TDRD12: variants seen among roughly 807,000 people sequenced by gnomAD.
TDRD12 encodes tudor domain containing 12.
TDRD12 carries 158 observed loss-of-function variants against 133.5 expected under a neutral mutation model. That is an observed-to-expected ratio of 1.18 (90% confidence interval 1.04 to 1.35). TDRD12 has a LOEUF of 1.35. TDRD12 is among the 40% of genes most tolerant of loss of function. TDRD12 has a pLI of 0.00. For missense variants in TDRD12, 1,443 were observed against 1,321.3 expected (o/e 1.09, Z -1.43); for synonymous variants, 460 against 477.9 (o/e 0.96, Z 0.49).
At chr19:32,793,151 A>G (rs1169098670) in intron 13 of TDRD12, among the ~76,000 whole-genome samples, 1 of 151,852 alleles carries the variant, frequency 6.6e-6, no homozygotes, top group Non-Finnish European at 1.5e-5. Flanking sequence ...GTGCCACTGC[A>G]CTCCAGCCTG....
chr19:32,742,964 TTGTA>T, intron 4 of TDRD12, 64 bp downstream of exon 4: 1 of 1,534,992 alleles, frequency 6.5e-7, no homozygotes. Context: ...TGCACGATCT[TTGTA>T]TGAAGTCAGT....
chr19:32,790,938 G>C, intron 12 of TDRD12, 26 bp from the exon 13 acceptor site: 1 of 1,530,016 alleles, frequency 6.5e-7, no homozygotes, highest in Non-Finnish European at 8.7e-7. Flanking sequence ...GCAGACACTG[G>C]TTGTCTAATG....
exon 20 of TDRD12, chr19:32,802,704 G>A (rs984715128): frequency 1.3e-6 from 2 of 1,536,334 alleles, no homozygotes; most frequent in Non-Finnish European, 1.7e-6. Flanking sequence ...GATGCCACGT[G>A]TGTGATTCAC....
chr19:32,733,092 A>C (rs10408725), intron 2 of TDRD12, among the ~76,000 whole-genome samples: 88,558 of 152,074 alleles, frequency 0.58, 26,573 homozygotes, highest in East Asian at 0.82. Context: ...AGATCACTTG[A>C]GCCTGGGAGG....
rs1394926502 is a variant in TDRD12 at position 32,800,415 on chromosome 19, G to C, written c.1950+57G>C. 18 of 1,306,114 alleles carry C rather than the reference G, an allele frequency of 1.4e-5. No individual in the cohort carries two copies. The South Asian group carries it at 2.3e-4, about 17-fold the overall frequency. The allele number at this position is 1,306,114 out of a possible 1,614,324, so 80.9% of individuals were successfully genotyped here. ...TGTGTGTGTGTGTATGTGTTGGTGG[G>C]GGGCTGATGAACACAAGCAAGTAAC... On this transcript the variant is annotated intron_variant, in intron 17 of 27. Transcript: ENST00000444215.
intron 1 of TDRD12, among the ~76,000 whole-genome samples, chr19:32,721,586 A>C (rs1419211533): frequency 2.0e-5 from 3 of 151,900 alleles, no homozygotes; most frequent in Admixed American, 6.6e-5. Flanking sequence ...GGGTTTCACC[A>C]CGTGGCTGTT....
downstream of TDRD12, among the ~76,000 whole-genome samples, chr19:32,825,647 C>T (rs187590989): frequency 7.6e-3 from 1,159 of 152,214 alleles, 7 homozygotes; most frequent in Admixed American, 0.022. This position sits in a 1 kb window ranked among gnomAD's most constrained non-coding sequence, Gnocchi z 4.1. Context: ...TTTGGGAGGC[C>T]GAGGCAGGTA....
intron 8 of TDRD12, among the ~76,000 whole-genome samples, chr19:32,763,974 A>G (rs1290534877): frequency 6.6e-6 from 1 of 152,120 alleles, no homozygotes; most frequent in Admixed American, 6.6e-5. Flanking sequence ...TGTTGTTAAG[A>G]TAGAGTGATA....
intron 10 of TDRD12, among the ~76,000 whole-genome samples, chr19:32,775,505 AT>A (rs1296978952): frequency 6.6e-6 from 1 of 151,908 alleles, no homozygotes. Context: ...TAACATTTTA[AT>A]TTTTTTGCAG....
chr19:32,773,995 G>A (rs1031787938), intron 10 of TDRD12, among the ~76,000 whole-genome samples: 1 of 152,198 alleles, frequency 6.6e-6, no homozygotes, highest in African/African-American at 2.4e-5. Context: ...GAGAGGGATG[G>A]CCTCACGTGG....
At chr19:32,779,258 G>C (rs998001696) in intron 11 of TDRD12, among the ~76,000 whole-genome samples, 1 of 152,188 alleles carries the variant, frequency 6.6e-6, no homozygotes, top group Non-Finnish European at 1.5e-5. Context: ...TCATTGCCAG[G>C]GGCCAGGTGT....
intron 2 of TDRD12, among the ~76,000 whole-genome samples, chr19:32,733,329 G>A (rs1969117909): frequency 6.6e-6 from 1 of 152,098 alleles, no homozygotes; most frequent in African/African-American, 2.4e-5. Context: ...AATTAGCTGG[G>A]CGTGGTGGCA....
chr19:32,753,763 T>C (rs1466844288), intron 6 of TDRD12, among the ~76,000 whole-genome samples: 1 of 150,896 alleles, frequency 6.6e-6, no homozygotes, highest in African/African-American at 2.4e-5. Context: ...GTGATCCACC[T>C]GTCTCGGCCT....
intron 27 of TDRD12, among the ~76,000 whole-genome samples, chr19:32,820,012 T>G (rs571357567): frequency 1.8e-4 from 28 of 152,168 alleles, no homozygotes; most frequent in South Asian, 8.3e-4. Context: ...TTGCTGCTGT[T>G]TGAGGAGAGT....
At position 32,818,100 on chromosome 19, in the gene TDRD12, C is replaced by G. The variant is rs536458944; in HGVS notation, c.3326C>G (p.Thr1109Arg). ...TCTGCTTTCTCCAGGCCGAGGGTGA[C>G]AGGGACCAGTCCTGCTCAAGACCAG... The change falls in exon 27 of 28, where the codon ACA becomes AGA. Residue 1109 changes from threonine (T) to arginine (R), a missense_variant. Coordinates refer to ENST00000444215, the Ensembl canonical transcript of TDRD12. The G allele has an allele frequency of 4.6e-5, 32 of 702,768 alleles. 2 individuals are homozygous for G. The South Asian group carries it at 4.7e-4, about 10-fold the overall frequency. The allele number at this position is 702,768 out of a possible 1,614,324, so 43.5% of individuals were successfully genotyped here. A position where few individuals can be genotyped will look rare whatever the true frequency, so the allele number is the denominator to read the frequency against.
intron 8 of TDRD12, among the ~76,000 whole-genome samples, chr19:32,765,926 A>C (rs1178542715): frequency 6.6e-6 from 1 of 151,520 alleles, no homozygotes; most frequent in Non-Finnish European, 1.5e-5. Flanking sequence ...AAAAAAAAAG[A>C]ATGTTTATGT....
chr19:32,790,756 T>C, intron 12 of TDRD12, 165 bp downstream of exon 12: 1 of 1,519,034 alleles, frequency 6.6e-7, no homozygotes, highest in Non-Finnish European at 8.8e-7. Context: ...GGATTGTTGC[T>C]TCTGAGAAAT....
chr19:32,773,646 T>C, intron 10 of TDRD12, 114 bp downstream of exon 10: 1 of 787,362 alleles, frequency 1.3e-6, no homozygotes, highest in Non-Finnish European at 2.1e-6. Flanking sequence ...TTCAGTGAGC[T>C]ATGATCGTAC....
rs1969725578 is a variant in TDRD12 at position 32,748,535 on chromosome 19, A to G, written c.496+4A>G. 1 of 1,550,926 alleles carries G rather than the reference A, an allele frequency of 6.4e-7. No individual in the cohort carries two copies. ...TACTTTCAGAACCTTCTGAAAGGTAAGCCAGTGCCTGATCACTGCAGCCTG... is the reference window on the plus strand; with the variant it reads ...TACTTTCAGAACCTTCTGAAAGGTAGGCCAGTGCCTGATCACTGCAGCCTG... On this transcript the variant is annotated splice_donor_region_variant and intron_variant, in intron 5 of 27. Transcript: ENST00000444215.
Sources: gnomAD v4.1 joint callset for allele counts (sites outside exome capture counted in the v4.1 genomes callset) on GRCh38, gnomAD v4.1.1 for gene constraint, Gnocchi (gnomAD v3.1) non-coding constraint, MANE v1.5 for transcripts, NCBI Gene and HGNC (gene_info 2026-07-23, HGNC 2026-07-21) for gene names.